Variants in GPC6 observed in about 807,000 individuals in gnomAD.
GPC6 encodes glypican 6.
A neutral mutation model predicts 55.2 loss-of-function variants in GPC6; 14 were observed. The observed-to-expected ratio is 0.25, with a 90% CI of 0.17 to 0.40. GPC6 has a LOEUF of 0.40. Among genes scored for constraint, GPC6 ranks in the 10% least tolerant of loss-of-function variants. GPC6 has a pLI of 1.00. For missense variants in GPC6, 641 were observed against 708.5 expected (o/e 0.90, Z 1.08); for synonymous variants, 278 against 259.6 (o/e 1.07, Z -0.68).
At position 94,338,683 on chromosome 13, in the gene GPC6, A is replaced by AAAT. The variant is rs1454114163; in HGVS notation, c.1152+32561_1152+32563dup. 9.2e-5 allele frequency among the ~76,000 whole-genome samples: 14 copies of AAAT among 152,164 alleles called. No individual in the cohort carries two copies. The Middle Eastern group carries it at 9.5e-3, about 103-fold the overall frequency. On this transcript the variant is annotated intron_variant, in intron 6 of 8. Transcript: ENST00000377047. ...ATATTCATTCATTTAATCCAGATAA[A>AAAT]AATCCTGAATTTTACAGTTGAGGAA...
At chr13:94,380,440 GA>G (rs1327375918) in intron 6 of GPC6, among the ~76,000 whole-genome samples, 3 of 151,240 alleles carry the variant, frequency 2.0e-5, no homozygotes, top group Admixed American at 2.0e-4. Flanking sequence ...ATTTTACTTT[GA>G]AAAAAAAGTC....
chr13:93,481,321 A>G (rs1472423458), intron 1 of GPC6, among the ~76,000 whole-genome samples: 1 of 152,138 alleles, frequency 6.6e-6, no homozygotes, highest in Non-Finnish European at 1.5e-5. Flanking sequence ...GAGTATTTAT[A>G]TATTTGGAAT....
chr13:93,473,620 T>A (rs1879204786), intron 1 of GPC6, among the ~76,000 whole-genome samples: 1 of 152,116 alleles, frequency 6.6e-6, no homozygotes, highest in Non-Finnish European at 1.5e-5. Flanking sequence ...CAGTTGTGCC[T>A]CCTCACAGCC....
chr13:94,066,280 A>G (rs1187929949), intron 4 of GPC6, among the ~76,000 whole-genome samples: 1 of 152,202 alleles, frequency 6.6e-6, no homozygotes, highest in African/African-American at 2.4e-5. Flanking sequence ...CATGCTGTTC[A>G]TAGGTACAGC....
chr13:93,975,490 A>C (rs564810441), intron 3 of GPC6, among the ~76,000 whole-genome samples: 2 of 152,328 alleles, frequency 1.3e-5, no homozygotes, highest in East Asian at 3.9e-4. Flanking sequence ...TACAAAACAG[A>C]TGCTGTTATG....
At position 93,830,301 on chromosome 13, in the gene GPC6, A is replaced by G. The variant is rs771378217; in HGVS notation, c.467A>G (p.Asn156Ser). 6.2e-7 allele frequency: 1 copy of G among 1,614,060 alleles called. No individual in the cohort carries two copies. The highest frequency in any genetic ancestry group is 8.5e-7 in the Non-Finnish European group (1 of 1,179,988). The stretch of plus-strand genomic sequence containing the variant: ...AGGTACTACACTGGGGGTAATGTGA[A>G]TCTGGAGGAAATGCTCAATGACTTT... The part of the protein sequence containing the change: ...LKRYYTGGNV[N>S]LEEMLNDFWA... The change falls in exon 3 of 9, where the codon AAT becomes AGT. Residue 156 changes from asparagine to serine, a missense_variant. Physicochemically the swap from Asn to Ser is conservative, Grantham distance 46. Coordinates refer to ENST00000377047, the MANE Select transcript of GPC6 (RefSeq NM_005708.5).
intron 4 of GPC6, among the ~76,000 whole-genome samples, chr13:94,202,488 A>G (rs567292215): frequency 9.8e-5 from 15 of 152,336 alleles, no homozygotes; most frequent in Middle Eastern, 3.4e-3. Flanking sequence ...GAAACGCCTT[A>G]TAAAACCATC....
chr13:93,943,414 T>C (rs1385819123), intron 3 of GPC6, among the ~76,000 whole-genome samples: 1 of 152,116 alleles, frequency 6.6e-6, no homozygotes, highest in African/African-American at 2.4e-5. Context: ...TAGAAATGTA[T>C]ATCCCTCATC....
chr13:93,891,194 A>T (rs1875660431), intron 3 of GPC6, among the ~76,000 whole-genome samples: 1 of 152,062 alleles, frequency 6.6e-6, no homozygotes. Flanking sequence ...TGCTATGTTT[A>T]TTTTATTTTT....
At chr13:93,797,186 C>A (rs946905588) in intron 2 of GPC6, among the ~76,000 whole-genome samples, 1 of 122,254 alleles carries the variant, frequency 8.2e-6, no homozygotes, top group Non-Finnish European at 1.8e-5. Context: ...ATTTTTATTC[C>A]CTTTGCCTAG....
intron 2 of GPC6, among the ~76,000 whole-genome samples, chr13:93,650,585 A>G (rs1169667332): frequency 2.0e-5 from 3 of 152,178 alleles, no homozygotes; most frequent in Non-Finnish European, 2.9e-5. Context: ...GTGTATGTTA[A>G]CAGCCATAAA....
In GPC6 at chr13:93,812,831, T is replaced by C. The variant is rs1418189190; in HGVS notation, c.320-17323T>C. Among the ~76,000 whole-genome samples the C allele has an allele frequency of 5.9e-5, 9 of 152,212 alleles. 1 individual carries two copies. The highest frequency in any genetic ancestry group is 1.5e-5 in the Non-Finnish European group (1 of 68,046). On this transcript the variant is annotated intron_variant, in intron 2 of 8. Coordinates refer to ENST00000377047, the MANE Select transcript of GPC6 (RefSeq NM_005708.5). ...ATATCATGTCATTCTCATAACACTCTATCAGGAAGGGACTATTATTATTTG... is the reference window on the plus strand; with the variant it reads ...ATATCATGTCATTCTCATAACACTCCATCAGGAAGGGACTATTATTATTTG...
chr13:93,880,405 G>A (rs1874885444), intron 3 of GPC6, among the ~76,000 whole-genome samples: 1 of 152,104 alleles, frequency 6.6e-6, no homozygotes, highest in Non-Finnish European at 1.5e-5. Context: ...ATGAGTTCAT[G>A]TCCTTTGTGG....
chr13:93,932,756 G>T (rs572946346), intron 3 of GPC6, among the ~76,000 whole-genome samples: 7 of 152,186 alleles, frequency 4.6e-5, no homozygotes, highest in African/African-American at 1.7e-4. Flanking sequence ...CCTAATCGTG[G>T]ACATAGGAAT....
intron 2 of GPC6, among the ~76,000 whole-genome samples, chr13:93,812,243 G>C (rs1197512041): frequency 2.6e-5 from 4 of 151,926 alleles, no homozygotes; most frequent in Non-Finnish European, 5.9e-5. Context: ...ACAAAAATTA[G>C]CTCGGTGTGG....
chr13:93,341,446 C>T (rs1819341), intron 1 of GPC6, among the ~76,000 whole-genome samples: 1 of 151,994 alleles, frequency 6.6e-6, no homozygotes, highest in Admixed American at 6.6e-5. Context: ...CATTCTTGCA[C>T]GAGTAAGGTG....
chr13:94,272,706 A>C (rs535587610), intron 4 of GPC6, among the ~76,000 whole-genome samples: 2 of 151,752 alleles, frequency 1.3e-5, no homozygotes, highest in Admixed American at 6.6e-5. Flanking sequence ...CTGACCTCAT[A>C]ATCCGCCCAC....
intron 2 of GPC6, among the ~76,000 whole-genome samples, chr13:93,763,149 A>T (rs1234531135): frequency 6.6e-6 from 1 of 152,184 alleles, no homozygotes; most frequent in South Asian, 2.1e-4. Flanking sequence ...TAGACTAGAC[A>T]GTTTTACTAT....
At chr13:94,005,768 T>A (rs1881993341) in intron 3 of GPC6, among the ~76,000 whole-genome samples, 1 of 152,172 alleles carries the variant, frequency 6.6e-6, no homozygotes, top group African/African-American at 2.4e-5. Flanking sequence ...CCCATCCCGT[T>A]CCATCTGGCT....
Sources: gnomAD v4.1 joint callset for allele counts (sites outside exome capture counted in the v4.1 genomes callset) on GRCh38, gnomAD v4.1.1 for gene constraint, MANE v1.5 for transcripts, NCBI Gene and HGNC (gene_info 2026-07-23, HGNC 2026-07-21) for gene names.